Variants in SPIDR observed in about 807,000 individuals in gnomAD.
The protein encoded by SPIDR is scaffold protein involved in DNA repair.
In SPIDR, 93 loss-of-function variants were observed where a neutral mutation model predicts 104.6. That is an observed-to-expected ratio of 0.89 (90% CI 0.75 to 1.06). The LOEUF (loss-of-function observed/expected upper bound fraction) is 1.06. SPIDR is among the 50% of genes least tolerant of loss of function. SPIDR has a pLI of 0.00. For synonymous variants in SPIDR, 431 were observed against 416.9 expected, an observed-to-expected ratio of 1.03 and a Z score of -0.41; for missense variants, 1,154 against 1,111.2, an observed-to-expected ratio of 1.04 and a Z score of -0.55.
chr8:47,553,355 A>T (rs906430035), intron 8 of SPIDR, among the ~76,000 whole-genome samples: 4 of 152,112 alleles, frequency 2.6e-5, no homozygotes, highest in Admixed American at 6.5e-5. Context: ...ACTTGGTTCC[A>T]TTCTCCCCGT....
intron 1 of SPIDR, among the ~76,000 whole-genome samples, chr8:47,264,652 TG>T (rs5891237): frequency 0.019 from 2,950 of 151,654 alleles, 235 homozygotes; most frequent in Admixed American, 0.14. Flanking sequence ...TTTTTTGAGA[TG>T]GAGTCTTGCT....
chr8:47,585,667 C>A (rs1194702534), intron 8 of SPIDR, among the ~76,000 whole-genome samples: 3 of 152,064 alleles, frequency 2.0e-5, no homozygotes, highest in Admixed American at 6.6e-5. Context: ...TTATGGAGGT[C>A]GAGGGGTTGC....
chr8:47,586,231 C>T (rs1190103327), intron 8 of SPIDR, among the ~76,000 whole-genome samples: 1 of 152,180 alleles, frequency 6.6e-6, no homozygotes, highest in Admixed American at 6.5e-5. Flanking sequence ...GTTTTCATTT[C>T]TCTGAGATAA....
intron 8 of SPIDR, among the ~76,000 whole-genome samples, chr8:47,545,405 T>G (rs1322129817): frequency 6.6e-6 from 1 of 152,108 alleles, no homozygotes; most frequent in Non-Finnish European, 1.5e-5. Context: ...TAAAAAGTGT[T>G]GTTTTTTAAA....
At position 47,735,361 on chromosome 8, in the gene SPIDR, G is replaced by A. The variant is rs750915071; in HGVS notation, c.2659G>A (p.Val887Ile). The change falls in exon 20 of 20, where the codon GTC becomes ATC. Residue 887 changes from valine to isoleucine, a missense_variant. By Grantham distance (29) the Val-to-Ile change is conservative. Coordinates refer to ENST00000297423, the MANE Select transcript of SPIDR (RefSeq NM_001080394.4). ...GKEVGLLNCF[V>I]QSVTAHPTSC... The stretch of plus-strand genomic sequence containing the variant: ...GGAAGTGGGGTTGTTAAATTGTTTT[G>A]TCCAGTCCGTAACCGCCCACCCGAC... The A allele has an allele frequency of 1.2e-6, 2 of 1,613,854 alleles. No individual in the cohort carries two copies. The highest frequency in any genetic ancestry group is 1.3e-5 in the African/African-American group (1 of 74,898).
chr8:47,560,659 TTTTTA>T (rs1411381080), intron 8 of SPIDR, among the ~76,000 whole-genome samples: 1 of 152,206 alleles, frequency 6.6e-6, no homozygotes, highest in Non-Finnish European at 1.5e-5. Context: ...TCTTTTACTT[TTTTTA>T]TTTTTCTAAG....
At chr8:47,455,009 GAAAT>G (rs528124409) in intron 8 of SPIDR, among the ~76,000 whole-genome samples, 348 of 152,216 alleles carry the variant, frequency 2.3e-3, no homozygotes, top group African/African-American at 7.7e-3. Flanking sequence ...CTGAAAGGAA[GAAAT>G]ACTAAACAGC....
At chr8:47,467,641 G>A (rs1215004614) in intron 8 of SPIDR, among the ~76,000 whole-genome samples, 1 of 151,786 alleles carries the variant, frequency 6.6e-6, no homozygotes, top group South Asian at 2.1e-4. Flanking sequence ...TGCAGAAAAC[G>A]CTCTTGATAA....
intron 5 of SPIDR, among the ~76,000 whole-genome samples, chr8:47,343,342 T>G (rs1158451524): frequency 2.0e-5 from 3 of 152,172 alleles, no homozygotes; most frequent in Non-Finnish European, 4.4e-5. Context: ...TCATTCCCAG[T>G]ACCTAGCATA....
chr8:47,581,997 A>T (rs1187532143), intron 8 of SPIDR, among the ~76,000 whole-genome samples: 1 of 152,168 alleles, frequency 6.6e-6, no homozygotes, highest in African/African-American at 2.4e-5. Flanking sequence ...TGGGTGGATC[A>T]CCTGAGGTCA....
intron 10 of SPIDR, among the ~76,000 whole-genome samples, chr8:47,670,902 T>A (rs1246249168): frequency 6.6e-6 from 1 of 152,170 alleles, no homozygotes; most frequent in Non-Finnish European, 1.5e-5. Flanking sequence ...GTACGTAATT[T>A]AGAAATCATT....
chr8:47,611,134 T>C (rs1332837193), intron 10 of SPIDR, among the ~76,000 whole-genome samples: 1 of 152,196 alleles, frequency 6.6e-6, no homozygotes, highest in African/African-American at 2.4e-5. Flanking sequence ...CTTCTCAGGA[T>C]GAACCAGTCC....
chr8:47,409,346 C>A (rs978819114), intron 7 of SPIDR, among the ~76,000 whole-genome samples: 2 of 151,728 alleles, frequency 1.3e-5, no homozygotes, highest in Non-Finnish European at 2.9e-5. Flanking sequence ...TGACTGAAAA[C>A]TCTTGTTTTT....
chr8:47,471,247 T>A (rs1228597814), intron 8 of SPIDR, among the ~76,000 whole-genome samples: 2 of 151,074 alleles, frequency 1.3e-5, no homozygotes, highest in East Asian at 3.9e-4. Context: ...ACCCATACAG[T>A]GTGAAAAGAT....
chr8:47,332,155 C>T (rs1430997336), intron 5 of SPIDR, among the ~76,000 whole-genome samples: 9 of 56,076 alleles, frequency 1.6e-4, no homozygotes, highest in African/African-American at 4.7e-4. Flanking sequence ...CCCCCTCCCC[C>T]GACCCCACCA....
intron 7 of SPIDR, among the ~76,000 whole-genome samples, chr8:47,428,471 A>T (rs1554686762): frequency 1.3e-5 from 2 of 152,226 alleles, no homozygotes; most frequent in East Asian, 3.8e-4. Flanking sequence ...ATCTAATCTA[A>T]GTCTCCTAGT....
At chr8:47,655,679 T>C (rs932416712) in intron 10 of SPIDR, among the ~76,000 whole-genome samples, 139 of 152,348 alleles carry the variant, frequency 9.1e-4, no homozygotes, top group African/African-American at 3.2e-3. Context: ...GTAGGTTGCC[T>C]GTTCACTGTG....
intron 5 of SPIDR, among the ~76,000 whole-genome samples, chr8:47,315,417 C>A (rs1202441223): frequency 6.6e-6 from 1 of 152,064 alleles, no homozygotes; most frequent in Non-Finnish European, 1.5e-5. Context: ...ATAAGATATT[C>A]AGGAAAAATC....
At chr8:47,586,854 C>T (rs1181679173) in intron 8 of SPIDR, among the ~76,000 whole-genome samples, 2 of 152,160 alleles carry the variant, frequency 1.3e-5, no homozygotes, top group South Asian at 2.1e-4. Context: ...CTGCAACCTC[C>T]GCCTCCTGGG....
Sources: allele counts gnomAD v4.1 joint callset (sites outside exome capture counted in the v4.1 genomes callset), GRCh38; gene constraint gnomAD v4.1.1; transcripts MANE v1.5; gene names NCBI Gene and HGNC (gene_info 2026-07-23, HGNC 2026-07-21).